FNDC3B: variants seen among roughly 807,000 people sequenced by gnomAD.
FNDC3B encodes the protein fibronectin type III domain-containing protein 3B.
FNDC3B carries 12 observed loss-of-function variants against 151.5 expected under a neutral mutation model. That is an observed-to-expected ratio of 0.08 (90% confidence interval 0.05 to 0.13). FNDC3B has a LOEUF of 0.13. Among genes scored for constraint, FNDC3B ranks in the 10% least tolerant of loss-of-function variants. The pLI, the probability that FNDC3B is intolerant of heterozygous loss-of-function variation, is 1.00. For synonymous variants in FNDC3B, 528 were observed against 549.0 expected (o/e 0.96, Z 0.54); for missense variants, 1,214 against 1,505.3 (o/e 0.81, Z 3.20).
At chr3:172,244,344 G>C (rs890386819) in intron 4 of FNDC3B, among the ~76,000 whole-genome samples, 3 of 152,076 alleles carry the variant, frequency 2.0e-5, no homozygotes, top group Admixed American at 2.0e-4. Flanking sequence ...AATTCTGTCT[G>C]ATGTCTAAAT....
intron 7 of FNDC3B, among the ~76,000 whole-genome samples, chr3:172,291,509 T>C (rs571697387): frequency 6.6e-6 from 1 of 152,340 alleles, no homozygotes; most frequent in South Asian, 2.1e-4. Flanking sequence ...GGAAGTAATT[T>C]TGTGAGTCCT....
At chr3:172,229,165 G>A (rs1726760354) in intron 4 of FNDC3B, among the ~76,000 whole-genome samples, 1 of 150,884 alleles carries the variant, frequency 6.6e-6, no homozygotes, top group Admixed American at 6.6e-5. Flanking sequence ...GGACATATGT[G>A]AGAAGTGCTC....
chr3:172,289,937 A>T (rs914138281), intron 7 of FNDC3B, among the ~76,000 whole-genome samples: 7 of 152,214 alleles, frequency 4.6e-5, no homozygotes, highest in Non-Finnish European at 1.0e-4. Flanking sequence ...ACTACCTGGG[A>T]CTATATGAGA....
intron 4 of FNDC3B, among the ~76,000 whole-genome samples, chr3:172,236,366 C>T (rs552589396): frequency 6.6e-6 from 1 of 152,280 alleles, no homozygotes; most frequent in East Asian, 1.9e-4. Context: ...GGTTAATTTA[C>T]TTAATCATAG....
At chr3:172,205,617 A>T (rs1428551417) in intron 3 of FNDC3B, among the ~76,000 whole-genome samples, 1 of 152,184 alleles carries the variant, frequency 6.6e-6, no homozygotes, top group Admixed American at 6.5e-5. Context: ...ACGGTTGGCG[A>T]GGGAAGAAAT....
In FNDC3B at chr3:172,266,541, G is replaced by A. The variant is rs369499511; in HGVS notation, c.790+15000G>A. On this transcript the variant is annotated intron_variant, in intron 6 of 25. Transcript: ENST00000415807. ...TCTGGAGAGAATGTAGAGCTCAGAA[G>A]CCCAACATCATTGTTGCCCAGGTGA... 6.4e-4 allele frequency among the ~76,000 whole-genome samples: 98 copies of A among 152,338 alleles called. 1 individual carries two copies. Among genetic ancestry groups the A allele is most frequent in the African/African-American group, 2.3e-3 (94 of 41,570 alleles).
intron 19 of FNDC3B, chr3:172,345,748 C>T (rs367707662): frequency 1.3e-5 from 2 of 152,188 alleles, no homozygotes; most frequent in South Asian, 4.1e-4. Flanking sequence ...TGGTAAGTCT[C>T]TAGCAATTCC....
chr3:172,048,926 A>G (rs1716497200), intron 1 of FNDC3B, among the ~76,000 whole-genome samples: 1 of 152,184 alleles, frequency 6.6e-6, no homozygotes, highest in South Asian at 2.1e-4. Flanking sequence ...ATAGAGACAA[A>G]AAGTAGAATA....
chr3:172,344,659 T>G (rs1374160501), intron 19 of FNDC3B, among the ~76,000 whole-genome samples: 2 of 152,222 alleles, frequency 1.3e-5, no homozygotes, highest in African/African-American at 4.8e-5. Flanking sequence ...TTAGGTCAGT[T>G]TTTACAACTA....
At chr3:172,223,420 G>T (rs1473390904) in intron 3 of FNDC3B, among the ~76,000 whole-genome samples, 1 of 152,148 alleles carries the variant, frequency 6.6e-6, no homozygotes, top group African/African-American at 2.4e-5. Context: ...ACAAAAGGGG[G>T]AACAAGCATG....
intron 6 of FNDC3B, among the ~76,000 whole-genome samples, chr3:172,281,838 A>G (rs1729741354): frequency 6.6e-6 from 1 of 152,134 alleles, no homozygotes; most frequent in African/African-American, 2.4e-5. Flanking sequence ...TTGTTTGCTT[A>G]TTTTTGTGAG....
In FNDC3B at chr3:172,329,053, C is replaced by G; in HGVS notation, c.1356C>G (p.Ala452=). The G allele has an allele frequency of 6.2e-7, 1 of 1,613,222 alleles. No homozygotes were observed. Among genetic ancestry groups the G allele is most frequent in the Non-Finnish European group, 8.5e-7 (1 of 1,179,496 alleles). ...CPAMGYTFRL[A]ARNDIGTSGY... is the part of the protein sequence containing the mutation. ...CAATGGGGTACACATTCAGGCTGGCCGCTCGAAACGACATTGGTACCAGGT... is the reference window on the plus strand; with the variant it reads ...CAATGGGGTACACATTCAGGCTGGCGGCTCGAAACGACATTGGTACCAGGT... The change falls in exon 12 of 26, where the codon GCC becomes GCG. Residue 452 remains alanine, a synonymous_variant. Coordinates refer to ENST00000415807, the MANE Select transcript of FNDC3B (RefSeq NM_022763.4).
At position 172,122,167 on chromosome 3, in the gene FNDC3B, A is replaced by G. The variant is rs564423356; in HGVS notation, c.111+9577A>G. ...TTTTTAGTCCAAATGATTGATTTAA[A>G]CATATGACTATATAAAATATATGCG... On this transcript the variant is annotated intron_variant, in intron 2 of 25. Coordinates refer to ENST00000415807, the MANE Select transcript of FNDC3B (RefSeq NM_022763.4). 7.4e-4 allele frequency among the ~76,000 whole-genome samples: 112 copies of G among 152,362 alleles called. 2 individuals carry two copies. Among genetic ancestry groups the G allele is most frequent in the African/African-American group, 2.5e-3 (106 of 41,588 alleles).
intron 2 of FNDC3B, among the ~76,000 whole-genome samples, chr3:172,121,466 G>T (rs568045297): frequency 6.6e-6 from 1 of 152,012 alleles, no homozygotes; most frequent in Admixed American, 6.6e-5. Flanking sequence ...AATAAGTGCC[G>T]CATGGAACAT....
intron 9 of FNDC3B, among the ~76,000 whole-genome samples, chr3:172,305,722 A>C (rs1731162779): frequency 6.6e-6 from 1 of 152,232 alleles, no homozygotes; most frequent in African/African-American, 2.4e-5. Context: ...GTCTTGGGTC[A>C]GATGCAACCC....
rs1560090706 is a variant in FNDC3B, at chr3:172,344,087, T to A, written c.2079T>A (p.Asp693Glu). The part of the protein sequence containing the change: ...PKHKEVHLEW[D>E]VPASESGCEV... ...ATGAAAAAAATTCTTCATTCCCAGA[T>A]GTTCCTGCATCGGAAAGTGGCTGTG... Residue 693 changes from aspartate (D) to glutamate (E), a missense_variant and splice_region_variant, in exon 19 of 26, where the codon GAT (aspartate) becomes GAA (glutamate). By Grantham distance (45) the Asp-to-Glu change is conservative. Around this residue, in one of 7 missense-constraint regions of FNDC3B, gnomAD observed 380 missense variants for 420.9 expected, o/e 0.90. Coordinates refer to ENST00000415807, the MANE Select transcript of FNDC3B (RefSeq NM_022763.4). 6.2e-7 allele frequency: 1 copy of A among 1,608,072 alleles called. No homozygotes were observed. The highest frequency in any genetic ancestry group is 8.5e-7 in the Non-Finnish European group (1 of 1,177,132).
At chr3:172,241,355 T>C (rs1727478741) in intron 4 of FNDC3B, among the ~76,000 whole-genome samples, 1 of 152,134 alleles carries the variant, frequency 6.6e-6, no homozygotes, top group Non-Finnish European at 1.5e-5. Context: ...TCAGCAGGAT[T>C]AGTTGGTTTC....
intron 23 of FNDC3B, among the ~76,000 whole-genome samples, chr3:172,376,922 TTCCATCCATTCA>T (rs1390489517): frequency 6.6e-6 from 1 of 152,128 alleles, no homozygotes; most frequent in African/African-American, 2.4e-5. Context: ...CTCTTCATTT[TTCCATCCATTCA>T]TCCATCCAGA....
chr3:172,170,761 A>G (rs1307745052), intron 3 of FNDC3B, among the ~76,000 whole-genome samples: 4 of 152,228 alleles, frequency 2.6e-5, no homozygotes, highest in Non-Finnish European at 5.9e-5. Flanking sequence ...CTCAGATGAA[A>G]CATGTTTTGT....
Sources: gnomAD v4.1 joint callset for allele counts (sites outside exome capture counted in the v4.1 genomes callset) on GRCh38, gnomAD v4.1.1 for gene constraint, gnomAD v4.1.1 regional missense constraint, MANE v1.5 for transcripts, NCBI Gene and HGNC (gene_info 2026-07-23, HGNC 2026-07-21) for gene names.